The following CD302 variants were observed in gnomAD, a reference collection of about 807,000 sequenced individuals.
The protein encoded by CD302 is CD302 molecule.
In CD302, 23 loss-of-function variants were observed where a neutral mutation model predicts 26.5. The observed-to-expected ratio is 0.87, with a 90% CI of 0.62 to 1.23. CD302 has a LOEUF of 1.23. Ranked by LOEUF, CD302 falls within the 50% of genes most tolerant of loss-of-function variation. The pLI, the probability that CD302 is intolerant of heterozygous loss-of-function variation, is 0.00. For synonymous variants in CD302, 90 were observed against 99.4 expected (o/e 0.91, Z 0.56); for missense variants, 290 against 275.5 (o/e 1.05, Z -0.37).
intron 1 of CD302, among the ~76,000 whole-genome samples, chr2:159,793,664 A>C (rs1041317293): frequency 2.0e-5 from 3 of 152,228 alleles, no homozygotes; most frequent in African/African-American, 7.2e-5. Flanking sequence ...TAATGTATGG[A>C]GGAGGGAGTG....
At chr2:159,779,399 G>C (rs1459407496) in intron 4 of CD302, among the ~76,000 whole-genome samples, 1 of 152,014 alleles carries the variant, frequency 6.6e-6, no homozygotes. Flanking sequence ...AATTATACAT[G>C]ATTACTCTTC....
At chr2:159,791,344 C>T (rs1708802465) in intron 1 of CD302, among the ~76,000 whole-genome samples, 1 of 152,162 alleles carries the variant, frequency 6.6e-6, no homozygotes, top group Admixed American at 6.5e-5. Context: ...CCTAGAGTAG[C>T]CAGCTTTTGA....
intron 5 of CD302, among the ~76,000 whole-genome samples, chr2:159,772,307 C>G (rs1425648634): frequency 6.6e-6 from 1 of 152,176 alleles, no homozygotes; most frequent in Non-Finnish European, 1.5e-5. Context: ...GGAAATCACG[C>G]AAGTATATAC....
At chr2:159,792,459 T>C (rs2125814712) in intron 1 of CD302, among the ~76,000 whole-genome samples, 1 of 112,818 alleles carries the variant, frequency 8.9e-6, no homozygotes, top group African/African-American at 3.0e-5. Context: ...TGTGTGTGTG[T>C]GTGTGTGTCT....
chr2:159,794,317 C>T (rs1160572749), intron 1 of CD302, among the ~76,000 whole-genome samples: 5 of 63,414 alleles, frequency 7.9e-5, no homozygotes, highest in Admixed American at 3.3e-4. Flanking sequence ...AAAAAAAAAA[C>T]ACTAAATAAC....
At chr2:159,784,507 C>A (rs1245656459) in intron 1 of CD302, among the ~76,000 whole-genome samples, 1 of 151,758 alleles carries the variant, frequency 6.6e-6, no homozygotes, top group African/African-American at 2.4e-5. Context: ...AGGTATGTGC[C>A]ACCATGCCCG....
chr2:159,779,253 A>AAAAAC (rs1378195381), intron 4 of CD302, among the ~76,000 whole-genome samples: 2 of 151,220 alleles, frequency 1.3e-5, no homozygotes, highest in African/African-American at 4.8e-5. Flanking sequence ...AAAAAAAAAA[A>AAAAAC]AAACCTTCTG....
At position 159,790,403 on chromosome 2, in the gene CD302, T is replaced by C. The variant is rs865872096; in HGVS notation, c.68-6934A>G. Among the ~76,000 whole-genome samples, 5 of 152,160 alleles carry C rather than the reference T, an allele frequency of 3.3e-5. 1 individual carries two copies. In the Middle Eastern group the frequency reaches 0.01, roughly 313 times the overall value. ...AAAAAAAAAATCCAGGCAGAGGGCATATGATAAAAAGCACAGTTACAGGTA... is the reference window on the plus strand; with the variant it reads ...AAAAAAAAAATCCAGGCAGAGGGCACATGATAAAAAGCACAGTTACAGGTA... On this transcript the variant is annotated intron_variant, in intron 1 of 5. Coordinates refer to ENST00000259053, the MANE Select transcript of CD302 (RefSeq NM_014880.5).
intron 5 of CD302, among the ~76,000 whole-genome samples, chr2:159,772,711 T>C (rs1425028905): frequency 6.6e-6 from 1 of 152,220 alleles, no homozygotes; most frequent in Non-Finnish European, 1.5e-5. Flanking sequence ...TAATCGACTC[T>C]AAAGAATGTG....
intron 4 of CD302, 143 bp from the exon 5 acceptor site, chr2:159,778,107 C>T (rs940347182): frequency 6.2e-6 from 2 of 324,844 alleles, no homozygotes; most frequent in Non-Finnish European, 1.1e-5. Context: ...ATCCATATTT[C>T]TTTGCCTCAT....
At chr2:159,777,609 A>T (rs866835220) in intron 5 of CD302, among the ~76,000 whole-genome samples, 4 of 152,230 alleles carry the variant, frequency 2.6e-5, no homozygotes, top group Non-Finnish European at 5.9e-5. Flanking sequence ...ACTAGAAGTG[A>T]TCCAAATATC....
chr2:159,774,910 C>T (rs537076014), intron 5 of CD302, among the ~76,000 whole-genome samples: 1 of 152,320 alleles, frequency 6.6e-6, no homozygotes, highest in East Asian at 1.9e-4. Context: ...ACTCCATGTT[C>T]TCTACTGTTT....
intron 5 of CD302, 56 bp downstream of exon 5, chr2:159,777,882 G>T: frequency 1.1e-6 from 1 of 882,042 alleles, no homozygotes; most frequent in South Asian, 1.5e-5. Context: ...TAATATGCCA[G>T]AATTTTGATA....
chr2:159,780,834 TAAA>T (rs778789365), intron 3 of CD302, 45 bp downstream of exon 3: 26 of 1,559,222 alleles, frequency 1.7e-5, no homozygotes, highest in South Asian at 1.5e-4. Flanking sequence ...TTTGCTACAT[TAAA>T]AAAAGAACAA....
At chr2:159,787,607 T>C (rs2125809814) in intron 1 of CD302, among the ~76,000 whole-genome samples, 2 of 152,336 alleles carry the variant, frequency 1.3e-5, no homozygotes, top group African/African-American at 4.8e-5. Flanking sequence ...TTTAATTTCA[T>C]TGGCTTCCTT....
intron 1 of CD302, among the ~76,000 whole-genome samples, chr2:159,795,988 G>A (rs1442422306): frequency 1.3e-5 from 2 of 152,208 alleles, no homozygotes; most frequent in African/African-American, 4.8e-5. Flanking sequence ...ACTTTTTAAA[G>A]CGATGCCATG....
chr2:159,792,922 A>T (rs977783350), intron 1 of CD302, among the ~76,000 whole-genome samples: 2 of 152,132 alleles, frequency 1.3e-5, no homozygotes, highest in Admixed American at 6.6e-5. Flanking sequence ...TGCCCCAGAA[A>T]CAAGTTTTAA....
At chr2:159,787,391 T>C (rs1203685914) in intron 1 of CD302, among the ~76,000 whole-genome samples, 1 of 152,206 alleles carries the variant, frequency 6.6e-6, no homozygotes, top group East Asian at 1.9e-4. Context: ...ACTTATTTTA[T>C]GTTCCTTTTT....
intron 2 of CD302, among the ~76,000 whole-genome samples, chr2:159,781,875 C>CCTT (rs1708522474): frequency 9.1e-6 from 1 of 109,786 alleles, no homozygotes; most frequent in African/African-American, 3.5e-5. Context: ...TACATTTATT[C>CCTT]CTTCTATAAT....
Sources: gnomAD v4.1 joint callset for allele counts (sites outside exome capture counted in the v4.1 genomes callset) on GRCh38, gnomAD v4.1.1 for gene constraint, MANE v1.5 for transcripts, NCBI Gene and HGNC (gene_info 2026-07-23, HGNC 2026-07-21) for gene names.